ARPC4: variants seen among roughly 807,000 people sequenced by gnomAD.
The protein encoded by ARPC4 is actin-related protein 2/3 complex subunit 4.
In ARPC4, 3 loss-of-function variants were observed where a neutral mutation model predicts 22.8. The ratio of observed to expected loss-of-function variants is 0.13; its 90% CI spans 0.06 to 0.34. The LOEUF is 0.34. ARPC4 is among the 10% of genes least tolerant of loss of function. The probability of loss-of-function intolerance (pLI) is 1.00; values close to 1 mark genes in which losing one functional copy is unlikely to be tolerated. For synonymous variants in ARPC4, 80 were observed against 72.5 expected, an observed-to-expected ratio of 1.10 and a Z score of -0.52; for missense variants, 98 against 211.0, an observed-to-expected ratio of 0.46 and a Z score of 3.32.
upstream of ARPC4, chr3:9,792,584 G>A: frequency 8.1e-7 from 1 of 1,229,974 alleles, no homozygotes; most frequent in East Asian, 3.2e-5. Flanking sequence ...AAAGCCGCTA[G>A]AGGTGGGGTG....
intron 5 of ARPC4, among the ~76,000 whole-genome samples, chr3:9,805,847 C>CT (rs1270134268): frequency 6.6e-6 from 1 of 152,228 alleles, no homozygotes; most frequent in Non-Finnish European, 1.5e-5. Context: ...ACTTGGCCCT[C>CT]TGAGTCCCCA....
intron 2 of ARPC4, among the ~76,000 whole-genome samples, chr3:9,798,344 G>GGT (rs2078939686): frequency 6.6e-6 from 1 of 152,008 alleles, no homozygotes; most frequent in African/African-American, 2.4e-5. Context: ...AGCACTTTAG[G>GGT]AGGCTGAAGT....
At chr3:9,798,407 G>C (rs1316614171) in intron 2 of ARPC4, among the ~76,000 whole-genome samples, 1 of 151,952 alleles carries the variant, frequency 6.6e-6, no homozygotes, top group Non-Finnish European at 1.5e-5. Context: ...AACATGGCAA[G>C]ACTCCATCTC....
intron 4 of ARPC4, among the ~76,000 whole-genome samples, chr3:9,802,649 A>G (rs745891132): frequency 4.9e-5 from 7 of 142,826 alleles, no homozygotes; most frequent in Non-Finnish European, 9.1e-5. Context: ...TGCTGGGATT[A>G]CAGGCTTGAG....
intron 1 of ARPC4, among the ~76,000 whole-genome samples, chr3:9,794,212 G>C (rs1430610687): frequency 3.3e-5 from 5 of 152,158 alleles, no homozygotes; most frequent in Non-Finnish European, 7.4e-5. Context: ...TATAACTGTT[G>C]ACAAAGGCCA....
intron 2 of ARPC4, among the ~76,000 whole-genome samples, chr3:9,799,416 G>A (rs2078962975): frequency 1.3e-5 from 2 of 151,670 alleles, no homozygotes; most frequent in Admixed American, 6.6e-5. Context: ...TCTCCTTTGA[G>A]CATCTTGTCA....
chr3:9,799,897 GAATC>G, intron 2 of ARPC4: 1 of 550,634 alleles, frequency 1.8e-6, no homozygotes, highest in Non-Finnish European at 3.5e-6. Flanking sequence ...AGTGAATTAG[GAATC>G]AGAGTCATTT....
chr3:9,793,913 C>A (rs1373517777), intron 1 of ARPC4, among the ~76,000 whole-genome samples: 3 of 152,176 alleles, frequency 2.0e-5, no homozygotes, highest in African/African-American at 7.2e-5. Context: ...GGCTTCTCAG[C>A]TCTCTTTCAA....
chr3:9,793,080 C>G (rs1441151711), upstream of ARPC4: 2 of 1,545,784 alleles, frequency 1.3e-6, no homozygotes, highest in South Asian at 1.2e-5. Context: ...GCGGGGCTGG[C>G]CACTTCCGTA....
At chr3:9,801,929 T>A (rs1340152657) in intron 4 of ARPC4, among the ~76,000 whole-genome samples, 173 bp downstream of exon 4, 1 of 151,940 alleles carries the variant, frequency 6.6e-6, no homozygotes, top group Non-Finnish European at 1.5e-5. Flanking sequence ...AAAAGTTGGG[T>A]CTACCTCAGC....
intron 4 of ARPC4, among the ~76,000 whole-genome samples, chr3:9,802,138 C>G (rs1352795332): frequency 1.4e-5 from 2 of 139,418 alleles, no homozygotes; most frequent in Non-Finnish European, 3.0e-5. Context: ...ACTCAGGAGG[C>G]TGAGGCAGAG....
intron 1 of ARPC4, among the ~76,000 whole-genome samples, chr3:9,794,037 A>G (rs1238529556): frequency 6.6e-6 from 1 of 151,804 alleles, no homozygotes; most frequent in African/African-American, 2.4e-5. Context: ...AACTTTTGTG[A>G]CCTCATGTCT....
In ARPC4 at chr3:9,806,235, T is replaced by C; in HGVS notation, c.*20T>C. Reference sequence around the variant, plus strand: ...TTTTAAACCATCTGGCTGGATCTCGTGGCCTTCCCCCTCAGACTACCCATG... The same window carrying C: ...TTTTAAACCATCTGGCTGGATCTCGCGGCCTTCCCCCTCAGACTACCCATG... On this transcript the variant is annotated 3_prime_UTR_variant, in exon 6 of 6. Coordinates refer to ENST00000397261, the MANE Select transcript of ARPC4 (RefSeq NM_005718.5). 1 of 1,613,498 alleles carries C rather than the reference T, an allele frequency of 6.2e-7. No homozygotes were observed. The highest frequency in any genetic ancestry group is 1.1e-5 in the South Asian group (1 of 91,070).
At chr3:9,802,591 G>A (rs1027688809) in intron 4 of ARPC4, among the ~76,000 whole-genome samples, 4 of 151,580 alleles carry the variant, frequency 2.6e-5, no homozygotes, top group Non-Finnish European at 5.9e-5. Context: ...TAGCCAGGAT[G>A]GTCTCGATCT....
At chr3:9,796,825 C>T (rs2078902564) in intron 1 of ARPC4, among the ~76,000 whole-genome samples, 2 of 151,406 alleles carry the variant, frequency 1.3e-5, no homozygotes, top group South Asian at 2.1e-4. Context: ...CCTGTAGTCC[C>T]AGCTACTTGG....
rs748081424 is a variant in ARPC4, at chr3:9,797,688, C to G, written c.33C>G (p.Ala11=). Residue 11 remains alanine, a synonymous_variant, in exon 2 of 6, where the codon GCC becomes GCG. Transcript: ENST00000397261. MTATLRPYLS[A]VRATLQAALC... is the part of the protein sequence containing the mutation. ...CCACTCTCCGCCCCTACCTGAGTGC[C>G]GTGCGGGCCACATTGCAGGCTGCCC... 2 of 1,614,098 alleles carry G rather than the reference C, an allele frequency of 1.2e-6. No individual in the cohort carries two copies. Among genetic ancestry groups the G allele is most frequent in the Non-Finnish European group, 1.7e-6 (2 of 1,179,986 alleles).
chr3:9,803,797 C>G (rs910429165), intron 4 of ARPC4, 46 bp from the exon 5 acceptor site: 1 of 1,586,032 alleles, frequency 6.3e-7, no homozygotes, highest in Non-Finnish European at 8.6e-7. Context: ...GGTGCTAATT[C>G]TCTCCTGTTC....
intron 5 of ARPC4, among the ~76,000 whole-genome samples, chr3:9,805,790 T>C (rs555399147): frequency 6.6e-6 from 1 of 152,112 alleles, no homozygotes; most frequent in Admixed American, 6.6e-5. Flanking sequence ...TGGTTGGAGG[T>C]TCATCCAGAG....
rs28506905 is a variant in ARPC4 at position 9,802,535 on chromosome 3, C to G, written c.330+779C>G. 4.3e-3 allele frequency among the ~76,000 whole-genome samples: 647 copies of G among 150,950 alleles called. 3 individuals carry two copies. Among genetic ancestry groups the G allele is most frequent in the African/African-American group, 0.015 (608 of 40,944 alleles). Reference sequence around the variant, plus strand: ...GGACTACAGGCGCCCACCACCACACCTGGCTAATTTTTTGTATTTTTAGTA... The same window carrying G: ...GGACTACAGGCGCCCACCACCACACGTGGCTAATTTTTTGTATTTTTAGTA... On this transcript the variant is annotated intron_variant, in intron 4 of 5. Transcript: ENST00000397261.
Sources: allele counts gnomAD v4.1 joint callset (sites outside exome capture counted in the v4.1 genomes callset), GRCh38; gene constraint gnomAD v4.1.1; transcripts MANE v1.5; gene names NCBI Gene and HGNC (gene_info 2026-07-23, HGNC 2026-07-21).